BFSP2: variants seen among roughly 807,000 people sequenced by gnomAD.
The protein encoded by BFSP2 is phakinin.
Under a neutral mutation model 44.9 loss-of-function variants are expected in BFSP2, and 38 were observed. That is an observed-to-expected ratio of 0.85 (90% CI 0.65 to 1.11). The LOEUF is 1.11. BFSP2 is among the 50% of genes least tolerant of loss of function. The probability of loss-of-function intolerance (pLI) is 0.00; values close to 1 mark genes in which losing one functional copy is unlikely to be tolerated. For synonymous variants in BFSP2, 197 were observed against 209.9 expected (o/e 0.94, Z 0.53); for missense variants, 525 against 533.0 (o/e 0.99, Z 0.15).
intron 5 of BFSP2, among the ~76,000 whole-genome samples, 190 bp from the exon 6 acceptor site, chr3:133,472,155 G>A (rs1003665514): frequency 3.3e-5 from 5 of 152,032 alleles, no homozygotes; most frequent in Non-Finnish European, 7.4e-5. Flanking sequence ...AGTCTGACCT[G>A]AGTGGGATTC....
chr3:133,465,494 C>T (rs2074101347), intron 4 of BFSP2, among the ~76,000 whole-genome samples: 1 of 152,186 alleles, frequency 6.6e-6, no homozygotes, highest in Non-Finnish European at 1.5e-5. Context: ...TGGGGATGAT[C>T]TCTCATTTTT....
At chr3:133,466,743 G>A (rs1483414619) in intron 4 of BFSP2, 85 bp from the exon 5 acceptor site, 3 of 1,429,584 alleles carry the variant, frequency 2.1e-6, no homozygotes, top group Non-Finnish European at 2.9e-6. Context: ...AGAGGCAGTG[G>A]AGTGGTGATT....
chr3:133,464,319 G>T (rs547731859), intron 4 of BFSP2, among the ~76,000 whole-genome samples: 4 of 152,268 alleles, frequency 2.6e-5, no homozygotes, highest in African/African-American at 9.6e-5. Flanking sequence ...CTGCTGCTGG[G>T]CTGGAATCCT....
At chr3:133,463,588 T>G (rs765194557) in intron 4 of BFSP2, among the ~76,000 whole-genome samples, 16 of 152,234 alleles carry the variant, frequency 1.1e-4, no homozygotes, top group Admixed American at 1.3e-4. Flanking sequence ...ATTCTTCTCT[T>G]ACCAGCTAAA....
At chr3:133,461,604 T>C (rs961312621) in intron 4 of BFSP2, among the ~76,000 whole-genome samples, 48 of 152,134 alleles carry the variant, frequency 3.2e-4, no homozygotes, top group African/African-American at 1.1e-3. Flanking sequence ...GAAACAGAAA[T>C]AGAGTTATAA....
chr3:133,406,827 C>A (rs549235250), intron 1 of BFSP2, among the ~76,000 whole-genome samples: 27 of 152,220 alleles, frequency 1.8e-4, no homozygotes, highest in African/African-American at 6.0e-4. Context: ...TTTGGTCTTT[C>A]TGGAAATCCC....
At chr3:133,454,114 G>A (rs1209061181) in intron 4 of BFSP2, among the ~76,000 whole-genome samples, 2 of 152,170 alleles carry the variant, frequency 1.3e-5, no homozygotes, top group Non-Finnish European at 2.9e-5. Flanking sequence ...CAGACAACAT[G>A]CCACACCACA....
At chr3:133,418,697 C>G (rs2073566895) in intron 1 of BFSP2, among the ~76,000 whole-genome samples, 2 of 152,160 alleles carry the variant, frequency 1.3e-5, no homozygotes, top group Non-Finnish European at 2.9e-5. Flanking sequence ...AGCCAAAGAC[C>G]ACTGAGAACA....
At chr3:133,432,100 C>T (rs59660176) in intron 1 of BFSP2, among the ~76,000 whole-genome samples, 5,829 of 152,188 alleles carry the variant, frequency 0.038, 381 homozygotes, top group African/African-American at 0.13. Flanking sequence ...CCCCTCTCAA[C>T]GCCAATGTCC....
chr3:133,437,170 G>A (rs141687404), intron 1 of BFSP2, among the ~76,000 whole-genome samples: 16 of 152,272 alleles, frequency 1.1e-4, no homozygotes, highest in African/African-American at 3.9e-4. Context: ...AGATCCTTGA[G>A]GAATTGCCAC....
intron 1 of BFSP2, among the ~76,000 whole-genome samples, chr3:133,433,738 G>C (rs1485512941): frequency 6.6e-6 from 1 of 152,148 alleles, no homozygotes; most frequent in Non-Finnish European, 1.5e-5. Context: ...CAGGCTCTTA[G>C]TATTCAGTGA....
intron 4 of BFSP2, among the ~76,000 whole-genome samples, chr3:133,460,161 A>G (rs777021542): frequency 7.9e-5 from 12 of 152,338 alleles, no homozygotes; most frequent in Non-Finnish European, 1.3e-4. Flanking sequence ...CCAAGCTTTT[A>G]TGGAGCATCT....
intron 1 of BFSP2, among the ~76,000 whole-genome samples, chr3:133,411,489 A>C (rs2107881325): frequency 6.6e-6 from 1 of 152,318 alleles, no homozygotes; most frequent in East Asian, 1.9e-4. Context: ...GCCGTTCTGC[A>C]TCTCCTGGTG....
chr3:133,402,161 C>T (rs538111922), intron 1 of BFSP2, among the ~76,000 whole-genome samples: 3 of 152,286 alleles, frequency 2.0e-5, no homozygotes, highest in East Asian at 1.9e-4. Context: ...GCTGGACAAT[C>T]GCTTGCAATC....
At chr3:133,417,531 C>T (rs1325704693) in intron 1 of BFSP2, among the ~76,000 whole-genome samples, 1 of 74,814 alleles carries the variant, frequency 1.3e-5, no homozygotes, top group Non-Finnish European at 2.6e-5. Flanking sequence ...GCTCCCATCT[C>T]CCCTCTACTC....
intron 4 of BFSP2, among the ~76,000 whole-genome samples, chr3:133,451,187 A>G (rs1439482303): frequency 6.6e-6 from 1 of 152,156 alleles, no homozygotes; most frequent in Non-Finnish European, 1.5e-5. Context: ...GCATTATAAG[A>G]GTGAAAAAAA....
intron 6 of BFSP2, among the ~76,000 whole-genome samples, chr3:133,472,947 G>A (rs1576602451): frequency 6.7e-6 from 1 of 150,370 alleles, no homozygotes; most frequent in Admixed American, 6.6e-5. Context: ...AAAACCCTGC[G>A]CATCTTTTTT....
intron 4 of BFSP2, among the ~76,000 whole-genome samples, chr3:133,463,780 G>C (rs1263189589): frequency 6.6e-6 from 1 of 152,110 alleles, no homozygotes; most frequent in Non-Finnish European, 1.5e-5. Context: ...TTATTTTAGA[G>C]AGACTGTTAA....
intron 1 of BFSP2, among the ~76,000 whole-genome samples, chr3:133,418,944 G>C (rs2073569046): frequency 6.6e-6 from 1 of 152,120 alleles, no homozygotes; most frequent in Admixed American, 6.5e-5. Context: ...CAGTGTATTT[G>C]TCACCTTGGG....
Sources: gnomAD v4.1 joint callset for allele counts (sites outside exome capture counted in the v4.1 genomes callset) on GRCh38, gnomAD v4.1.1 for gene constraint, MANE v1.5 for transcripts, NCBI Gene and HGNC (gene_info 2026-07-23, HGNC 2026-07-21) for gene names.